H2BC18: variants seen among roughly 807,000 people sequenced by gnomAD.
H2BC18 encodes the protein histone H2B type 2-F.
In H2BC18, 8 loss-of-function variants were observed where a neutral mutation model predicts 6.3. The ratio of observed to expected loss-of-function variants is 1.28; its 90% CI spans 0.75 to 2.31. The LOEUF is 2.31. Among genes scored for constraint, H2BC18 ranks in the 30% most tolerant of loss-of-function variants. The probability of loss-of-function intolerance (pLI) is 0.00; values close to 1 mark genes in which losing one functional copy is unlikely to be tolerated. For missense variants in H2BC18, 106 were observed against 174.5 expected, an observed-to-expected ratio of 0.61 and a Z score of 2.21; for synonymous variants, 104 against 78.1, an observed-to-expected ratio of 1.33 and a Z score of -1.75.
intron 1 of H2BC18, among the ~76,000 whole-genome samples, chr1:149,790,581 A>T: frequency 1.3e-4 from 17 of 135,852 alleles, no homozygotes; most frequent in South Asian, 2.5e-4. Context: ...TCTTTCCTTC[A>T]TTTTCTCCTC....
At chr1:149,810,229 G>A (rs1329981200), downstream of H2BC18, among the ~76,000 whole-genome samples, 6 of 151,778 alleles carry the variant, frequency 4.0e-5, no homozygotes, top group Admixed American at 2.6e-4. Flanking sequence ...AGACCACCTC[G>A]GCCGTCTCAC....
intron 1 of H2BC18, among the ~76,000 whole-genome samples, chr1:149,790,942 A>G (rs12076816): frequency 0.014 from 2,132 of 151,876 alleles, 48 homozygotes; most frequent in African/African-American, 0.049. Context: ...TTCATCTTCA[A>G]CCCAAATTCA....
chr1:149,804,104 T>C (rs1373515416), intron 1 of H2BC18: 3 of 152,340 alleles, frequency 2.0e-5, no homozygotes, highest in Non-Finnish European at 4.4e-5. Context: ...TTTTTCTCTA[T>C]GCTAGCTAAT....
chr1:149,812,166 G>A lies in H2BC18; in HGVS notation c.158C>T (p.Thr53Ile). ...GCCCATGGCCTTGGACGAGATGCCG[G>A]TGTCGGGGTGGACCTGCTTCAGCAC... Reference protein sequence around the residue: ...YKVLKQVHPDTGISSKAMGIM... With the variant: ...YKVLKQVHPDIGISSKAMGIM... Residue 53 changes from threonine to isoleucine, a missense_variant, in exon 1 of 1, where the codon ACC (threonine) becomes ATC (isoleucine). Physicochemically the swap from Thr to Ile is moderately conservative, Grantham distance 89. This residue lies in a region of H2BC18 where 35 missense variants were observed against 72.3 expected (regional missense o/e 0.48). Transcript: ENST00000369167. 1.9e-6 allele frequency: 3 copies of A among 1,614,266 alleles called. No individual in the cohort carries two copies. The highest frequency in any genetic ancestry group is 2.5e-6 in the Non-Finnish European group (3 of 1,180,048).
At chr1:149,798,399 A>G (rs2091823319) in intron 1 of H2BC18, among the ~76,000 whole-genome samples, 1 of 152,020 alleles carries the variant, frequency 6.6e-6, no homozygotes, top group Non-Finnish European at 1.5e-5. Flanking sequence ...GTGTTCTTCA[A>G]ATTCTCCATA....
chr1:149,799,841 T>G (rs1285241341), intron 1 of H2BC18, among the ~76,000 whole-genome samples: 1 of 152,190 alleles, frequency 6.6e-6, no homozygotes, highest in African/African-American at 2.4e-5. Flanking sequence ...TTCCTGTGCT[T>G]TCACACTACA....
chr1:149,802,010 C>A (rs1394870890), intron 1 of H2BC18, among the ~76,000 whole-genome samples: 1 of 152,106 alleles, frequency 6.6e-6, no homozygotes, highest in East Asian at 1.9e-4. Context: ...AGTTTCTTAC[C>A]TTTTTCTCCA....
In H2BC18 at chr1:149,785,618, A is replaced by C. The variant is rs587647367; in HGVS notation, c.378-2358T>G. 3 of 151,468 alleles carry C rather than the reference A, an allele frequency of 2.0e-5. No individual in the cohort carries two copies. The East Asian group carries it at 5.8e-4, about 29-fold the overall frequency. The allele number at this position is 151,468 out of a possible 1,614,324, so 9.4% of individuals were successfully genotyped here. A position where few individuals can be genotyped will look rare whatever the true frequency, so the allele number is the denominator to read the frequency against. Reference sequence around the variant, plus strand: ...GTCCATTTTCTTTACCTCTACACAGACTCTAGGACACTCAGCATCAGTGAC... The same window carrying C: ...GTCCATTTTCTTTACCTCTACACAGCCTCTAGGACACTCAGCATCAGTGAC... On this transcript the variant is annotated intron_variant, in intron 1 of 1. Coordinates refer to the H2BC18 transcript ENST00000545683.
At chr1:149,794,276 G>A (rs4578255) in intron 1 of H2BC18, among the ~76,000 whole-genome samples, 1,719 of 151,514 alleles carry the variant, frequency 0.011, 19 homozygotes, top group Non-Finnish European at 0.018. Flanking sequence ...GAAGGGGGGG[G>A]AACACGTAGA....
At chr1:149,805,125 A>G (rs2091906018) in intron 1 of H2BC18, 1 of 152,216 alleles carries the variant, frequency 6.6e-6, no homozygotes, top group Non-Finnish European at 1.5e-5. Context: ...TGTTTTTTCT[A>G]GAGGAAAAAA....
intron 1 of H2BC18, among the ~76,000 whole-genome samples, chr1:149,800,188 T>TA (rs2091851199): frequency 6.6e-6 from 1 of 152,136 alleles, no homozygotes; most frequent in Non-Finnish European, 1.5e-5. Context: ...AAAAGATGCA[T>TA]AAGGTAAAGT....
chr1:149,800,209 G>A, intron 1 of H2BC18, among the ~76,000 whole-genome samples: 1 of 152,210 alleles, frequency 6.6e-6, no homozygotes, highest in East Asian at 1.9e-4. Flanking sequence ...ATGGGGGAAG[G>A]AGCATGGAGC....
rs2091986914 is a variant in H2BC18 at position 149,812,263 on chromosome 1, T to C, written c.61A>G (p.Lys21Glu). Residue 21 changes from lysine (K) to glutamate (E), a missense_variant, in exon 1 of 1, where the codon AAA (lysine) becomes GAA (glutamate). Physicochemically the swap from Lys to Glu is moderately conservative, Grantham distance 56 (BLOSUM62 1). Around this residue, in one of 3 missense-constraint regions of H2BC18, gnomAD observed 70 missense variants for 64.6 expected, o/e 1.08. Transcript: ENST00000369167. ...PKKGSKKAVTKVQKKDGKKRK... is the reference protein window; with the variant it reads ...PKKGSKKAVTEVQKKDGKKRK... The stretch of plus-strand genomic sequence containing the variant: ...TTCTTGCCGTCCTTCTTCTGCACTT[T>C]CGTAACAGCCTTTTTGGAGCCCTTC... 2 of 1,614,136 alleles carry C rather than the reference T, an allele frequency of 1.2e-6. No individual in the cohort carries two copies. The highest frequency in any genetic ancestry group is 1.3e-5 in the African/African-American group (1 of 74,946).
intron 1 of H2BC18, among the ~76,000 whole-genome samples, chr1:149,797,370 A>T: frequency 6.6e-6 from 1 of 152,168 alleles, no homozygotes. Flanking sequence ...GCAAATATAT[A>T]TCAAAAATAC....
At chr1:149,810,654 G>A (rs629346), downstream of H2BC18, 1 of 151,940 alleles carries the variant, frequency 6.6e-6, no homozygotes, top group Non-Finnish European at 1.5e-5. Flanking sequence ...GTTTTGAACT[G>A]AGAGGTCTTC....
downstream of H2BC18, chr1:149,811,769 A>G: frequency 1.5e-6 from 1 of 678,030 alleles, no homozygotes; most frequent in South Asian, 1.9e-5. Flanking sequence ...GGACTACAGG[A>G]AACTCCTTAG....
At chr1:149,784,893 T>G (rs1282475430) in intron 1 of H2BC18, among the ~76,000 whole-genome samples, 4 of 151,868 alleles carry the variant, frequency 2.6e-5, no homozygotes, top group Non-Finnish European at 5.9e-5. Flanking sequence ...TTCTGCCTAT[T>G]AGCAAATTTA....
chr1:149,793,070 T>C (rs1314913878), intron 1 of H2BC18: 3 of 1,273,326 alleles, frequency 2.4e-6, no homozygotes, highest in Non-Finnish European at 3.0e-6. Flanking sequence ...CTGGCGGCCG[T>C]CTGTGGAGGT....
Position 149,788,096 on chromosome 1 carries a change from C to T in H2BC18, c.378-4836G>A. 4 of 478,892 alleles carry T rather than the reference C, an allele frequency of 8.4e-6. No homozygotes were observed. The South Asian group carries it at 8.4e-5, about 10-fold the overall frequency. 29.7% of individuals were successfully genotyped at this position (478,892 alleles called of 1,614,324 possible). On this transcript the variant is annotated intron_variant, in intron 1 of 1. Coordinates refer to the H2BC18 transcript ENST00000545683. ...TGGGATCATTTTAGAATTCTGCCTA[C>T]CATGCTGTATGAACTGTTTTTGTTT...
Sources: allele counts gnomAD v4.1 joint callset (sites outside exome capture counted in the v4.1 genomes callset), GRCh38; gene constraint gnomAD v4.1.1; regional missense constraint gnomAD v4.1.1; transcripts MANE v1.5; gene names NCBI Gene and HGNC (gene_info 2026-07-23, HGNC 2026-07-21).